Variants in KDM5C observed in about 807,000 individuals in gnomAD.
The protein encoded by KDM5C is lysine-specific demethylase 5C.
In KDM5C, 16 loss-of-function variants were observed where a neutral mutation model predicts 110.6. The observed-to-expected ratio is 0.14, with a 90% CI of 0.10 to 0.22. The LOEUF (loss-of-function observed/expected upper bound fraction) is 0.22, where lower values mean the gene tolerates loss of function less well. KDM5C is among the 10% of genes least tolerant of loss of function. KDM5C has a pLI of 1.00. For missense variants in KDM5C, 681 were observed against 1,300.9 expected, an observed-to-expected ratio of 0.52 and a Z score of 7.33; for synonymous variants, 511 against 520.4, an observed-to-expected ratio of 0.98 and a Z score of 0.24.
At position 53,216,200 on chromosome X, in the gene KDM5C, G is replaced by A. The variant is rs782554976; in HGVS notation, c.658-3C>T. 10 of 1,210,010 alleles carry A rather than the reference G, an allele frequency of 8.3e-6. No individual in the cohort carries two copies. The highest frequency in any genetic ancestry group is 1.8e-5 in the South Asian group (1 of 56,889). ...ATGTCTTCCTCTGTGGGTTCCGGCT[G>A]GAAGGAAAGAAGGAAATGAATCAAG... On this transcript the variant is annotated splice_polypyrimidine_tract_variant and splice_region_variant and intron_variant, in intron 5 of 25. Transcript: ENST00000375401.
At chrX:53,212,206 C>T (rs1269576768) in intron 8 of KDM5C, among the ~76,000 whole-genome samples, 1 of 111,761 alleles carries the variant, frequency 8.9e-6, no homozygotes, top group Non-Finnish European at 1.9e-5. Context: ...TCATCTCATG[C>T]TCTTTTCTTC....
At chrX:53,206,257 G>T (rs1194664542) in intron 12 of KDM5C, among the ~76,000 whole-genome samples, 1 of 111,766 alleles carries the variant, frequency 8.9e-6, no homozygotes, top group Non-Finnish European at 1.9e-5. Flanking sequence ...GAACTGTCCA[G>T]AAAAGACAAA....
chrX:53,190,573 C>T (rs1424639914), downstream of KDM5C, among the ~76,000 whole-genome samples: 1 of 111,935 alleles, frequency 8.9e-6, no homozygotes, highest in Admixed American at 9.5e-5. Context: ...GCTCCTCCAA[C>T]CCCCTTTTCA....
At chrX:53,221,177 A>G (rs1217783461) in intron 1 of KDM5C, among the ~76,000 whole-genome samples, 2 of 107,629 alleles carry the variant, frequency 1.9e-5, no homozygotes. Context: ...ACCCAACAGT[A>G]CAGTGCCAGG....
chrX:53,210,759 G>C lies in KDM5C; in HGVS notation c.1500C>G (p.Pro500=), dbSNP rs1449334458. Residue 500 remains proline (P), a synonymous_variant, in exon 11 of 26, where the codon CCC becomes CCG. Coordinates refer to ENST00000375401, the MANE Select transcript of KDM5C (RefSeq NM_004187.5). ...INADISGMKV[P]WLYVGMVFSA... ...AGAAGACCATGCCCACGTAGAGCCA[G>C]GGCACCTTCATGCCAGAGATATCTG... 6 of 1,209,723 alleles carry C rather than the reference G, an allele frequency of 5.0e-6. No homozygotes were observed. Among genetic ancestry groups the C allele is most frequent in the Non-Finnish European group, 6.7e-6 (6 of 894,991 alleles).
At chrX:53,178,056 C>T (rs1225488203) in intron 25 of KDM5C, among the ~76,000 whole-genome samples, 9 of 111,265 alleles carry the variant, frequency 8.1e-5, no homozygotes, top group Non-Finnish European at 1.5e-4. Flanking sequence ...CAGGGTCTCA[C>T]TATGTTGTCC....
intron 20 of KDM5C, 89 bp downstream of exon 20, chrX:53,195,827 C>G: frequency 9.5e-7 from 1 of 1,056,087 alleles, no homozygotes; most frequent in Non-Finnish European, 1.3e-6. Flanking sequence ...CCAACCCAAC[C>G]CATCCCAGCA....
At chrX:53,223,382 C>A (rs1266515844) in intron 1 of KDM5C, among the ~76,000 whole-genome samples, 2 of 110,862 alleles carry the variant, frequency 1.8e-5, no homozygotes, top group Non-Finnish European at 3.8e-5. Flanking sequence ...GGCCAGACTC[C>A]AAGAAGGAAG....
At position 53,176,676 on chromosome X, in the gene KDM5C, G is replaced by A. The variant is rs151159365; in HGVS notation, c.4309-54C>T. On this transcript the variant is annotated intron_variant, in intron 25 of 25. Transcript: ENST00000685641. ...TATAAGTTTCTCAATTTTCAGTTTA[G>A]TGCAAAAACTGGGTTGATTTCAATA... Among the ~76,000 whole-genome samples the A allele has an allele frequency of 1.9e-3, 210 of 111,939 alleles. 1 individual carries two copies. Among genetic ancestry groups the A allele is most frequent in the African/African-American group, 6.4e-3 (198 of 30,823 alleles).
At chrX:53,211,241 A>AT (rs1556848663) in intron 10 of KDM5C, among the ~76,000 whole-genome samples, 2 of 111,759 alleles carry the variant, frequency 1.8e-5, no homozygotes, top group Non-Finnish European at 3.8e-5. Flanking sequence ...TTCTCATTTA[A>AT]TTTTTATAAC....
intron 19 of KDM5C, 122 bp downstream of exon 19, chrX:53,196,564 G>T: frequency 1.8e-6 from 1 of 565,949 alleles, no homozygotes; most frequent in South Asian, 2.8e-5. Flanking sequence ...AAAGAGGGGA[G>T]AGTCAATACA....
chrX:53,211,192 C>T (rs1236667782), intron 10 of KDM5C, among the ~76,000 whole-genome samples: 1 of 111,935 alleles, frequency 8.9e-6, no homozygotes, highest in Non-Finnish European at 1.9e-5. Flanking sequence ...ACCCCACTCC[C>T]TGAACACTAC....
chrX:53,198,795 C>T lies in KDM5C; in HGVS notation c.2337G>A (p.Val779=), dbSNP rs1486904196. The T allele has an allele frequency of 1.4e-5, 17 of 1,210,915 alleles. No individual in the cohort carries two copies. Among genetic ancestry groups the T allele is most frequent in the African/African-American group, 1.7e-5 (1 of 57,395 alleles). The part of the protein sequence containing the change: ...SFDTWANKVR[V]ALEVEDGRKR... ...TCCGCCCATCCTCCACCTCCAGGGC[C>T]ACTCGCACTTTGTTGGCCCAGGTGT... Residue 779 remains valine (V), a synonymous_variant, in exon 16 of 26, where the codon GTG becomes GTA. Transcript: ENST00000375401.
At chrX:53,187,439 C>A (rs1250697237), downstream of KDM5C, among the ~76,000 whole-genome samples, 1 of 112,294 alleles carries the variant, frequency 8.9e-6, no homozygotes, top group Non-Finnish European at 1.9e-5. Context: ...GACATCTAAT[C>A]AAGAAACTTC....
At position 53,194,125 on chromosome X, in the gene KDM5C, G is replaced by A. The variant is rs1028219063; in HGVS notation, c.4038+14C>T. On this transcript the variant is annotated intron_variant, in intron 23 of 25. Transcript: ENST00000375401. ...ACAAGAATCTGAGGACAAGAGCTGG[G>A]CTGAGTAGCTCACCTTAGGCATATC... 2.5e-6 allele frequency: 3 copies of A among 1,189,540 alleles called. No individual in the cohort carries two copies. The highest frequency in any genetic ancestry group is 3.4e-6 in the Non-Finnish European group (3 of 883,899).
rs781972206 is a variant in KDM5C at position 53,215,789 on chromosome X, C to A, written c.963+6G>T. The A allele has an allele frequency of 2.5e-6, 3 of 1,210,134 alleles. No individual in the cohort carries two copies. The highest frequency in any genetic ancestry group is 3.5e-5 in the South Asian group (2 of 56,931). ...GAGCATTAAGAAGTCAGGGCTGGGTCCTTACAAACTGGGCATTGCTGTGGT... is the reference window on the plus strand; with the variant it reads ...GAGCATTAAGAAGTCAGGGCTGGGTACTTACAAACTGGGCATTGCTGTGGT... On this transcript the variant is annotated splice_donor_region_variant and intron_variant, in intron 7 of 25. Transcript: ENST00000375401.
At chrX:53,184,584 T>C (rs1246834250) in intron 25 of KDM5C, among the ~76,000 whole-genome samples, 2 of 111,819 alleles carry the variant, frequency 1.8e-5, no homozygotes, top group African/African-American at 6.5e-5. Flanking sequence ...CATGTGTTTC[T>C]TTTCCTTTGT....
At position 53,217,252 on chromosome X, in the gene KDM5C, T is replaced by C. The variant is rs1556852417; in HGVS notation, c.548A>G (p.Asn183Ser). The change falls in exon 5 of 26, where the codon AAT (asparagine) becomes AGT (serine). Residue 183 changes from asparagine (N) to serine (S), a missense_variant. By Grantham distance (46) the Asn-to-Ser change is conservative. Coordinates refer to ENST00000375401, the MANE Select transcript of KDM5C (RefSeq NM_004187.5). ...LVQCNTRPFD[N>S]EEKDKEYKPH... Reference sequence around the variant, plus strand: ...TTTGTATTCCTTGTCCTTCTCCTCATTATCAAATGGACGTGTGTTACACTG... The same window carrying C: ...TTTGTATTCCTTGTCCTTCTCCTCACTATCAAATGGACGTGTGTTACACTG... 8.3e-7 allele frequency: 1 copy of C among 1,211,027 alleles called. No homozygotes were observed.
intron 18 of KDM5C, 121 bp from the exon 19 acceptor site, chrX:53,197,165 T>A: frequency 1.9e-6 from 1 of 536,901 alleles, no homozygotes; most frequent in Non-Finnish European, 3.1e-6. Flanking sequence ...CAAAGGAGCC[T>A]AACATGGGCT....
Sources: allele counts gnomAD v4.1 joint callset (sites outside exome capture counted in the v4.1 genomes callset), GRCh38; gene constraint gnomAD v4.1.1; transcripts MANE v1.5; gene names NCBI Gene and HGNC (gene_info 2026-07-23, HGNC 2026-07-21).